The following BPIFA2 variants were observed in gnomAD, a reference collection of about 807,000 sequenced individuals.
BPIFA2 encodes the protein BPI fold-containing family A member 2.
Under a neutral mutation model 25.7 loss-of-function variants are expected in BPIFA2, and 20 were observed. The observed-to-expected ratio is 0.78, with a 90% confidence interval of 0.55 to 1.13. BPIFA2 has a LOEUF of 1.13. Among genes scored for constraint, BPIFA2 ranks in the 50% most tolerant of loss-of-function variants. The pLI, the probability that BPIFA2 is intolerant of heterozygous loss-of-function variation, is 0.00. For synonymous variants in BPIFA2, 126 were observed against 124.3 expected, an observed-to-expected ratio of 1.01 and a Z score of -0.09; for missense variants, 300 against 298.1, an observed-to-expected ratio of 1.01 and a Z score of -0.05.
intron 3 of BPIFA2, 53 bp downstream of exon 3, chr20:33,173,129 ATC>A (rs1313813205): frequency 6.4e-7 from 1 of 1,572,140 alleles, no homozygotes; most frequent in Admixed American, 1.8e-5. Context: ...GGGAAAACAT[ATC>A]TTTGAGGAGG....
chr20:33,165,548 G>A (rs1351096405), upstream of BPIFA2, among the ~76,000 whole-genome samples: 1 of 152,176 alleles, frequency 6.6e-6, no homozygotes, highest in East Asian at 1.9e-4. Context: ...GTCTCAGTAG[G>A]CTGCATGACC....
At chr20:33,167,401 T>C (rs976348605), upstream of BPIFA2, among the ~76,000 whole-genome samples, 2 of 152,140 alleles carry the variant, frequency 1.3e-5, no homozygotes, top group African/African-American at 4.8e-5. Flanking sequence ...ACTCTCCCTC[T>C]CTGCTAACTG....
chr20:33,181,204 C>T lies in BPIFA2; in HGVS notation c.*38-20C>T, dbSNP rs892436747. 4 of 152,340 alleles carry T rather than the reference C, an allele frequency of 2.6e-5. No individual in the cohort carries two copies. In the South Asian group the frequency reaches 8.3e-4, roughly 32 times the overall value. 9.4% of individuals were successfully genotyped at this position (152,340 alleles called of 1,614,324 possible). On this transcript the variant is annotated intron_variant, in intron 8 of 8. Coordinates refer to ENST00000354932, the MANE Select transcript of BPIFA2 (RefSeq NM_080574.4). ...GGCAGCCTAGCAGCAAATGTCCTAA[C>T]CCCCTTGGTCTCATTCCAGATTGGT... is the stretch of plus-strand genomic sequence containing the variant.
chr20:33,172,411 A>T (rs55881809), intron 2 of BPIFA2, among the ~76,000 whole-genome samples: 26,052 of 151,964 alleles, frequency 0.17, 5,714 homozygotes, highest in African/African-American at 0.51. Flanking sequence ...TAAAAAAAAA[A>T]AATTATTATT....
Position 33,180,583 on chromosome 20 carries a change from C to T in BPIFA2, c.*23C>T. On this transcript the variant is annotated 3_prime_UTR_variant, in exon 8 of 9. Coordinates refer to ENST00000354932, the MANE Select transcript of BPIFA2 (RefSeq NM_080574.4). ...TGAAGAGGACGAATGAGGAGGACCA[C>T]TGTGGTGCATGCTGGTGAGGAGCCA... The T allele has an allele frequency of 6.2e-7, 1 of 1,607,652 alleles. No individual in the cohort carries two copies. The highest frequency in any genetic ancestry group is 1.1e-5 in the South Asian group (1 of 90,960).
chr20:33,178,662 G>A (rs1984167528), intron 6 of BPIFA2, among the ~76,000 whole-genome samples: 1 of 152,002 alleles, frequency 6.6e-6, no homozygotes, highest in African/African-American at 2.4e-5. Context: ...AAAACCATAG[G>A]TACCATGTGC....
At chr20:33,179,448 A>G (rs1047795589) in intron 6 of BPIFA2, among the ~76,000 whole-genome samples, 156 bp from the exon 7 acceptor site, 1 of 150,850 alleles carries the variant, frequency 6.6e-6, no homozygotes, top group African/African-American at 2.5e-5. Context: ...AAAAAAAAAT[A>G]CAATAAAACA....
At position 33,169,443 on chromosome 20, in the gene BPIFA2, C is replaced by G. The variant is rs1983831060; in HGVS notation, c.157+141C>G. 9.5e-6 allele frequency: 7 copies of G among 737,074 alleles called. No homozygotes were observed. The South Asian group carries it at 1.0e-4, about 11-fold the overall frequency. The allele number at this position is 737,074 out of a possible 1,614,324, so 45.7% of individuals were successfully genotyped here. ...GTGGCTATTCAATTCCTGACTCATT[C>G]GTTTATCTTTCTAGAAACAAGCAAT... On this transcript the variant is annotated intron_variant, in intron 2 of 8. Coordinates refer to ENST00000354932, the MANE Select transcript of BPIFA2 (RefSeq NM_080574.4).
At chr20:33,167,283 C>T (rs1326926806), upstream of BPIFA2, among the ~76,000 whole-genome samples, 1 of 152,234 alleles carries the variant, frequency 6.6e-6, no homozygotes, top group Non-Finnish European at 1.5e-5. Flanking sequence ...TGGGCACCCA[C>T]CCGAGTTTCC....
rs1170563041 is a variant in BPIFA2, at chr20:33,178,349, G to T, written c.645+121G>T. On this transcript the variant is annotated intron_variant, in intron 6 of 8. Coordinates refer to ENST00000354932, the MANE Select transcript of BPIFA2 (RefSeq NM_080574.4). ...CGGAGGTGAAAGCTTCTCCTTAGGA[G>T]GTCAGCTGGAGCTTCCTCCTCTACT... 1.7e-5 allele frequency: 12 copies of T among 711,358 alleles called. No homozygotes were observed. In the East Asian group the frequency reaches 3.5e-4, roughly 21 times the overall value. 44.1% of individuals were successfully genotyped at this position (711,358 alleles called of 1,614,324 possible). A position where few individuals can be genotyped will look rare whatever the true frequency, so the allele number is the denominator to read the frequency against.
In BPIFA2 at chr20:33,179,656, A is replaced by T; in HGVS notation, c.698A>T (p.Gln233Leu). The change falls in exon 7 of 9, where the codon CAG (glutamine) becomes CTG (leucine). Residue 233 changes from glutamine (Q) to leucine (L), a missense_variant. By Grantham distance (113) the Gln-to-Leu change is moderately radical. Coordinates refer to ENST00000354932, the MANE Select transcript of BPIFA2 (RefSeq NM_080574.4). Reference protein sequence around the residue: ...FIHSLDVNVIQQVVDNPQHKT... With the variant: ...FIHSLDVNVILQVVDNPQHKT... ...CACTCCCTGGATGTGAATGTCATTC[A>T]GCAGGTCGTCGGTAAGTCAATGGGG... 6.2e-7 allele frequency: 1 copy of T among 1,611,910 alleles called. No individual in the cohort carries two copies.
Position 33,174,154 on chromosome 20 carries a change from C to T in BPIFA2, c.378C>T (p.Ser126=). ...ATGATGGCAAAGGCCTTAACCTGAG[C>T]TTCCCTGTCACCGCGAATGTCACTG... ...PIDDGKGLNL[S]FPVTANVTVA... Residue 126 remains serine (S), a synonymous_variant, in exon 4 of 9, where the codon AGC becomes AGT. Coordinates refer to ENST00000354932, the MANE Select transcript of BPIFA2 (RefSeq NM_080574.4). The T allele has an allele frequency of 6.2e-7, 1 of 1,614,182 alleles. No individual in the cohort carries two copies. Among genetic ancestry groups the T allele is most frequent in the Non-Finnish European group, 8.5e-7 (1 of 1,180,020 alleles).
upstream of BPIFA2, among the ~76,000 whole-genome samples, chr20:33,167,876 C>T (rs1055749310): frequency 7.9e-5 from 12 of 152,324 alleles, no homozygotes; most frequent in African/African-American, 2.6e-4. Context: ...TCAGTCTTCT[C>T]CCAGTCCTCA....
chr20:33,172,565 C>A (rs753313476), intron 2 of BPIFA2, among the ~76,000 whole-genome samples: 1 of 152,108 alleles, frequency 6.6e-6, no homozygotes, highest in Non-Finnish European at 1.5e-5. Flanking sequence ...TTCAAACTCA[C>A]GTGAGCATCT....
In BPIFA2 at chr20:33,173,976, A is replaced by G. The variant is rs893424215; in HGVS notation, c.303-103A>G. On this transcript the variant is annotated intron_variant, in intron 3 of 8. Coordinates refer to ENST00000354932, the MANE Select transcript of BPIFA2 (RefSeq NM_080574.4). ...GCTATAGTGAAGACTAAAGAAGGCA[A>G]GGCTGACGAGACCCAAACGCTCAGC... 6.9e-6 allele frequency: 6 copies of G among 873,248 alleles called. No homozygotes were observed. In the South Asian group the frequency reaches 8.5e-5, roughly 12 times the overall value. 54.1% of individuals were successfully genotyped at this position (873,248 alleles called of 1,614,324 possible).
chr20:33,167,323 T>C (rs1983754942), upstream of BPIFA2, among the ~76,000 whole-genome samples: 1 of 152,182 alleles, frequency 6.6e-6, no homozygotes, highest in African/African-American at 2.4e-5. Flanking sequence ...ACAGGCCCAA[T>C]GCAGCAGGCG....
chr20:33,169,482 G>A (rs1250811081), intron 2 of BPIFA2, among the ~76,000 whole-genome samples, 180 bp downstream of exon 2: 1 of 152,184 alleles, frequency 6.6e-6, no homozygotes, highest in Non-Finnish European at 1.5e-5. Context: ...ACAATGAATA[G>A]CCTTTTACAT....
Position 33,172,916 on chromosome 20 carries a change from C to T in BPIFA2, c.158-16C>T, listed in dbSNP as rs546969309. 17 of 1,610,642 alleles carry T rather than the reference C, an allele frequency of 1.1e-5. No individual in the cohort carries two copies. Among genetic ancestry groups the T allele is most frequent in the Middle Eastern group, 1.7e-4 (1 of 5,962 alleles). ...GTAAGTGGTGCGTGACACAAAATGG[C>T]GATTGTTTTTGGCAGGCATCCTTGA... On this transcript the variant is annotated splice_polypyrimidine_tract_variant and intron_variant, in intron 2 of 8. Transcript: ENST00000354932.
chr20:33,166,000 GCTC>G (rs969513267), upstream of BPIFA2, among the ~76,000 whole-genome samples: 11 of 151,962 alleles, frequency 7.2e-5, no homozygotes, highest in South Asian at 6.2e-4. Context: ...TATGACAGAT[GCTC>G]CTCATTTTAT....
Sources: allele counts gnomAD v4.1 joint callset (sites outside exome capture counted in the v4.1 genomes callset), GRCh38; gene constraint gnomAD v4.1.1; transcripts MANE v1.5; gene names NCBI Gene and HGNC (gene_info 2026-07-23, HGNC 2026-07-21).